The following CRTAM variants were observed in gnomAD, a reference collection of about 807,000 sequenced individuals.
CRTAM encodes cytotoxic and regulatory T cell molecule.
A neutral mutation model predicts 50.0 loss-of-function variants in CRTAM; 44 were observed. The observed-to-expected ratio is 0.88, with a 90% CI of 0.69 to 1.13. CRTAM has a LOEUF of 1.13. Ranked by LOEUF, CRTAM falls within the 50% of genes most tolerant of loss-of-function variation. The pLI, the probability that CRTAM is intolerant of heterozygous loss-of-function variation, is 0.00. For synonymous variants in CRTAM, 159 were observed against 169.3 expected (o/e 0.94, Z 0.47); for missense variants, 448 against 457.5 (o/e 0.98, Z 0.19).
intron 1 of CRTAM, 82 bp from the exon 2 acceptor site, chr11:122,849,986 T>C: frequency 1.5e-6 from 2 of 1,356,940 alleles, no homozygotes; most frequent in African/African-American, 1.4e-5. Context: ...AGATAATACA[T>C]GATTGAATGA....
chr11:122,866,607 CTTT>C (rs34105956), intron 7 of CRTAM, among the ~76,000 whole-genome samples: 10 of 142,586 alleles, frequency 7.0e-5, no homozygotes, highest in Non-Finnish European at 7.6e-5. Context: ...TTTAGAAAGC[CTTT>C]TTTTTTTTTT....
Position 122,849,204 on chromosome 11 carries a change from A to G in CRTAM, c.47-864A>G, listed in dbSNP as rs543377141. 1.7e-3 allele frequency among the ~76,000 whole-genome samples: 262 copies of G among 152,326 alleles called. 3 individuals carry two copies. The highest frequency in any genetic ancestry group is 6.2e-4 in the Non-Finnish European group (42 of 68,036). ...ATAACATTCTTTCTTAGAATTCTAG[A>G]CACACAACTTGAAGGTACTAGATGC... On this transcript the variant is annotated intron_variant, in intron 1 of 9. Transcript: ENST00000227348.
chr11:122,849,418 G>T (rs1861903094), intron 1 of CRTAM, among the ~76,000 whole-genome samples: 1 of 152,134 alleles, frequency 6.6e-6, no homozygotes, highest in Non-Finnish European at 1.5e-5. Flanking sequence ...CCTTTCTAGG[G>T]TTAGTTTGAA....
intron 5 of CRTAM, among the ~76,000 whole-genome samples, chr11:122,860,110 C>T (rs958373160): frequency 1.1e-4 from 16 of 152,216 alleles, no homozygotes; most frequent in African/African-American, 3.9e-4. Flanking sequence ...TGCAATGGTG[C>T]TATCTCAGCT....
At chr11:122,838,759 ACTGCGTTTATTTGAT>A (rs1861762499) in intron 1 of CRTAM, among the ~76,000 whole-genome samples, 167 bp downstream of exon 1, 1 of 152,126 alleles carries the variant, frequency 6.6e-6, no homozygotes, top group Admixed American at 6.5e-5. Context: ...GAGGGATGTT[ACTGCGTTTATTTGAT>A]CTCTCGTTCA....
intron 6 of CRTAM, among the ~76,000 whole-genome samples, chr11:122,863,056 T>C (rs1862109081): frequency 2.0e-5 from 3 of 152,170 alleles, no homozygotes; most frequent in Admixed American, 6.6e-5. Flanking sequence ...TTTTTGATGA[T>C]GGGATTGAAC....
In CRTAM at chr11:122,851,846, G is replaced by T; in HGVS notation, c.346+1G>T. ...AAGGAAGTGAAAGTGATTGTGCTGG[G>T]TAGGTACCTGCAAGTGAACCCAGTA... On this transcript the variant is annotated splice_donor_variant, in intron 3 of 9. Transcript: ENST00000227348. LOFTEE classifies it high-confidence loss of function. 1 of 1,613,916 alleles carries T rather than the reference G, an allele frequency of 6.2e-7. No homozygotes were observed. Among genetic ancestry groups the T allele is most frequent in the Non-Finnish European group, 8.5e-7 (1 of 1,179,848 alleles).
At chr11:122,847,271 C>T (rs553872250) in intron 1 of CRTAM, among the ~76,000 whole-genome samples, 1 of 152,230 alleles carries the variant, frequency 6.6e-6, no homozygotes, top group South Asian at 2.1e-4. Context: ...GTTACCATTG[C>T]ATCATATGCC....
intron 9 of CRTAM, 105 bp downstream of exon 9, chr11:122,868,204 G>A (rs1862206515): frequency 3.4e-6 from 2 of 580,450 alleles, no homozygotes; most frequent in Non-Finnish European, 6.1e-6. Flanking sequence ...GTGTGTGTGT[G>A]TGTGTGTGTG....
chr11:122,859,393 G>A (rs1354597122), intron 5 of CRTAM, among the ~76,000 whole-genome samples: 1 of 151,274 alleles, frequency 6.6e-6, no homozygotes, highest in Non-Finnish European at 1.5e-5. Flanking sequence ...TTACAGGCGT[G>A]AGCCACCGCA....
At chr11:122,869,810 C>T (rs1383579992) in intron 9 of CRTAM, among the ~76,000 whole-genome samples, 1 of 152,168 alleles carries the variant, frequency 6.6e-6, no homozygotes, top group Non-Finnish European at 1.5e-5. Context: ...GGGAAAGGAA[C>T]ACAAGAGAAT....
At chr11:122,858,464 G>A (rs1317469230) in intron 5 of CRTAM, among the ~76,000 whole-genome samples, 1 of 151,988 alleles carries the variant, frequency 6.6e-6, no homozygotes, top group South Asian at 2.1e-4. Flanking sequence ...GAGCTCAAGC[G>A]ATCCCTCAAC....
chr11:122,869,420 G>A (rs924739811), intron 9 of CRTAM, among the ~76,000 whole-genome samples: 2 of 152,174 alleles, frequency 1.3e-5, no homozygotes, highest in Non-Finnish European at 2.9e-5. Flanking sequence ...ATTCAAGAAG[G>A]CATGTGTCAG....
At chr11:122,844,523 C>T (rs1387825545) in intron 1 of CRTAM, among the ~76,000 whole-genome samples, 19 of 152,174 alleles carry the variant, frequency 1.2e-4, no homozygotes, top group Admixed American at 1.2e-3. Flanking sequence ...AGCTTCCTTC[C>T]TGTTTCTCAG....
rs528996240 is a variant in CRTAM at position 122,855,641 on chromosome 11, C to A, written c.491-54C>A. ...TCAAGGCCATTGGCCTCTAATAGAACCAACCTCATCCAGTAGCATTAAATA... is the reference window on the plus strand; with the variant it reads ...TCAAGGCCATTGGCCTCTAATAGAAACAACCTCATCCAGTAGCATTAAATA... On this transcript the variant is annotated intron_variant, in intron 4 of 9. Transcript: ENST00000227348. 177 of 1,534,948 alleles carry A rather than the reference C, an allele frequency of 1.2e-4. 1 individual carries two copies. In the South Asian group the frequency reaches 2.0e-3, roughly 17 times the overall value.
chr11:122,862,560 A>T lies in CRTAM; in HGVS notation c.733+16A>T. ...ACCAGTACTGGTAAGTGTCAAAATC[A>T]TTCAAACTTGTTTTTAAAAAATCAC... On this transcript the variant is annotated intron_variant, in intron 6 of 9. Coordinates refer to ENST00000227348, the MANE Select transcript of CRTAM (RefSeq NM_019604.4). The T allele has an allele frequency of 6.8e-7, 1 of 1,463,044 alleles. No homozygotes were observed. The highest frequency in any genetic ancestry group is 1.8e-4 in the Middle Eastern group (1 of 5,686). The allele number at this position is 1,463,044 out of a possible 1,614,324, so 90.6% of individuals were successfully genotyped here.
chr11:122,857,058 A>G (rs993157723), intron 5 of CRTAM, among the ~76,000 whole-genome samples: 1 of 152,190 alleles, frequency 6.6e-6, no homozygotes, highest in Admixed American at 6.5e-5. Flanking sequence ...TGCATTCTTA[A>G]TTTTCAGCAA....
At position 122,855,838 on chromosome 11, in the gene CRTAM, T is replaced by C; in HGVS notation, c.634T>C (p.Phe212Leu). Reference sequence around the variant, plus strand: ...GCAAGGGAGAAAACTAGTAGCACCCTTCCGGTTTGAAGATTTGGGTAAGAA... The same window carrying C: ...GCAAGGGAGAAAACTAGTAGCACCCCTCCGGTTTGAAGATTTGGGTAAGAA... ...GLQGRKLVAP[F>L]RFEDLVTDEE... The change falls in exon 5 of 10, where the codon TTC becomes CTC. Residue 212 changes from phenylalanine to leucine, a missense_variant. Physicochemically the swap from Phe to Leu is conservative, Grantham distance 22. Transcript: ENST00000227348. The C allele has an allele frequency of 6.2e-7, 1 of 1,612,564 alleles. No homozygotes were observed. The highest frequency in any genetic ancestry group is 8.5e-7 in the Non-Finnish European group (1 of 1,179,520).
intron 5 of CRTAM, among the ~76,000 whole-genome samples, chr11:122,861,404 ATATATATATATATATATTTTTTTTTTTT>A (rs1862075153): frequency 6.1e-5 from 1 of 16,296 alleles, no homozygotes; most frequent in Non-Finnish European, 1.2e-4. Context: ...ATATATATAT[ATATATATATATATATATTTTTTTTTTTT>A]TTTTTTTTTT....
Sources: gnomAD v4.1 joint callset for allele counts (sites outside exome capture counted in the v4.1 genomes callset) on GRCh38, gnomAD v4.1.1 for gene constraint, MANE v1.5 for transcripts, NCBI Gene and HGNC (gene_info 2026-07-23, HGNC 2026-07-21) for gene names.